Variants in KCNMB3 observed in about 807,000 individuals in gnomAD.
KCNMB3 encodes the protein calcium-activated potassium channel subunit beta-3.
Under a neutral mutation model 11.9 loss-of-function variants are expected in KCNMB3, and 18 were observed. That is an observed-to-expected ratio of 1.51 (90% CI 1.04 to 2.23). The LOEUF is 2.23. Ranked by LOEUF, KCNMB3 falls within the 30% of genes most tolerant of loss-of-function variation. The pLI is 0.00. For missense variants in KCNMB3, 247 were observed against 329.4 expected (o/e 0.75, Z 1.94); for synonymous variants, 78 against 119.2 (o/e 0.65, Z 2.25).
In KCNMB3 at chr3:179,261,168, C is replaced by T. The variant is rs1726193978; in HGVS notation, c.62+5481G>A. The T allele has an allele frequency of 5.3e-6, 7 of 1,331,842 alleles. No individual in the cohort carries two copies. In the East Asian group the frequency reaches 1.5e-4, roughly 29 times the overall value. The allele number at this position is 1,331,842 out of a possible 1,614,324, so 82.5% of individuals were successfully genotyped here. On this transcript the variant is annotated intron_variant, in intron 1 of 3. Coordinates refer to the KCNMB3 transcript ENST00000349697. Reference sequence around the variant, plus strand: ...TCCTTCATGGGGATCTCACGAGCCTCCGCGCGGGCCTCCCGTTTTGCGGCG... The same window carrying T: ...TCCTTCATGGGGATCTCACGAGCCTTCGCGCGGGCCTCCCGTTTTGCGGCG...
At chr3:179,257,298 A>T (rs1726042343) in intron 1 of KCNMB3, among the ~76,000 whole-genome samples, 1 of 152,214 alleles carries the variant, frequency 6.6e-6, no homozygotes, top group East Asian at 1.9e-4. Flanking sequence ...ACATAATAAC[A>T]CTTATGTTTT....
intron 1 of KCNMB3, chr3:179,259,799 T>C (rs1726144952): frequency 1.9e-6 from 3 of 1,603,952 alleles, no homozygotes; most frequent in Non-Finnish European, 2.5e-6. Flanking sequence ...CATCTGGCTC[T>C]TTCATATCTG....
rs930454548 is a variant in KCNMB3, at chr3:179,264,591, A to G, written c.62+2058T>C. Among the ~76,000 whole-genome samples the G allele has an allele frequency of 2.0e-5, 3 of 152,228 alleles. No individual in the cohort carries two copies. In the South Asian group the frequency reaches 6.2e-4, roughly 31 times the overall value. On this transcript the variant is annotated intron_variant, in intron 1 of 3. Transcript: ENST00000349697. ...CTTTCCCACCCAGCCCAAGTACGAC[A>G]CATGGCTACAGGCAGCTTCTGGCTT...
At chr3:179,260,778 T>G (rs1726180492) in intron 1 of KCNMB3, 7 of 1,426,394 alleles carry the variant, frequency 4.9e-6, no homozygotes. Flanking sequence ...TGTTTTTCCC[T>G]TTCAAATTAT....
At chr3:179,246,849 T>TG (rs1725660117) in intron 1 of KCNMB3, among the ~76,000 whole-genome samples, 1 of 152,192 alleles carries the variant, frequency 6.6e-6, no homozygotes, top group African/African-American at 2.4e-5. Context: ...TTCTGTCCCA[T>TG]GCACAAGGCC....
chr3:179,245,515 G>GC (rs1491194472), intron 1 of KCNMB3, among the ~76,000 whole-genome samples: 1 of 120,430 alleles, frequency 8.3e-6, no homozygotes, highest in Non-Finnish European at 1.8e-5. Context: ...TAATTTTTTT[G>GC]GGGGGGGGGA....
downstream of KCNMB3, chr3:179,240,971 A>T (rs1258066569): frequency 1.3e-5 from 2 of 152,192 alleles, no homozygotes; most frequent in Non-Finnish European, 2.9e-5. Flanking sequence ...TATACAAAAT[A>T]GTTTACCACA....
chr3:179,246,309 G>A (rs1435554632), intron 1 of KCNMB3, among the ~76,000 whole-genome samples: 3 of 152,096 alleles, frequency 2.0e-5, no homozygotes, highest in African/African-American at 7.2e-5. Flanking sequence ...CTATATAGGA[G>A]GCTGAGGCAG....
At chr3:179,253,626 T>C (rs1295543733), upstream of KCNMB3, among the ~76,000 whole-genome samples, 1 of 152,048 alleles carries the variant, frequency 6.6e-6, no homozygotes, top group Non-Finnish European at 1.5e-5. Flanking sequence ...ACCAACATGG[T>C]GAAACCCTGT....
intron 1 of KCNMB3, chr3:179,261,183 G>A: frequency 7.4e-7 from 1 of 1,343,976 alleles, no homozygotes; most frequent in Non-Finnish European, 1.0e-6. Context: ...CGGGCCTCCC[G>A]TTTTGCGGCG....
intron 1 of KCNMB3, chr3:179,260,803 G>C: frequency 1.5e-6 from 2 of 1,363,448 alleles, no homozygotes; most frequent in South Asian, 1.2e-5. Context: ...TTTTCTCTTC[G>C]TACTGCCGCC....
intron 1 of KCNMB3, among the ~76,000 whole-genome samples, chr3:179,264,977 G>A (rs1429167243): frequency 6.6e-6 from 1 of 152,204 alleles, no homozygotes; most frequent in African/African-American, 2.4e-5. Flanking sequence ...TTCAGCAAGA[G>A]GAAATAGCAA....
chr3:179,247,103 A>T (rs181887126), intron 1 of KCNMB3, among the ~76,000 whole-genome samples: 54 of 152,254 alleles, frequency 3.5e-4, no homozygotes, highest in Non-Finnish European at 6.2e-4. Context: ...GAGAGATGAG[A>T]ACTCACCACT....
upstream of KCNMB3, among the ~76,000 whole-genome samples, chr3:179,253,888 G>T (rs974569023): frequency 6.6e-6 from 1 of 151,994 alleles, no homozygotes; most frequent in Non-Finnish European, 1.5e-5. Context: ...AAAGTAACAG[G>T]CTTCTGTTTC....
chr3:179,252,662 C>T (rs138090274), upstream of KCNMB3, among the ~76,000 whole-genome samples: 593 of 151,896 alleles, frequency 3.9e-3, no homozygotes, highest in Middle Eastern at 6.8e-3. Flanking sequence ...TGATATTTTA[C>T]TCATCCCCTA....
At chr3:179,253,668 C>T (rs1023086632), upstream of KCNMB3, among the ~76,000 whole-genome samples, 8 of 151,886 alleles carry the variant, frequency 5.3e-5, no homozygotes, top group African/African-American at 1.9e-4. Flanking sequence ...TAGCCAGGCA[C>T]GGTGGCATGC....
chr3:179,260,035 G>A (rs1726152043), intron 1 of KCNMB3: 1 of 1,612,136 alleles, frequency 6.2e-7, no homozygotes, highest in African/African-American at 1.3e-5. Flanking sequence ...TCTAAACTAT[G>A]CCCTATGCTT....
intron 1 of KCNMB3, chr3:179,261,414 C>CG (rs1007175169): frequency 9.5e-7 from 1 of 1,056,512 alleles, no homozygotes; most frequent in East Asian, 6.6e-5. Context: ...CTCGCGCTTC[C>CG]GGGGCCAAGA....
At chr3:179,254,875 C>T (rs1725961319), upstream of KCNMB3, among the ~76,000 whole-genome samples, 1 of 152,048 alleles carries the variant, frequency 6.6e-6, no homozygotes, top group Non-Finnish European at 1.5e-5. Context: ...AGTCATAAAA[C>T]ACACAACAGC....
Sources: gnomAD v4.1 joint callset for allele counts (sites outside exome capture counted in the v4.1 genomes callset) on GRCh38, gnomAD v4.1.1 for gene constraint, MANE v1.5 for transcripts, NCBI Gene and HGNC (gene_info 2026-07-23, HGNC 2026-07-21) for gene names.